The following SESTD1 variants were observed in gnomAD, a reference collection of about 807,000 sequenced individuals.
The protein encoded by SESTD1 is SEC14 domain and spectrin repeat-containing protein 1.
Under a neutral mutation model 101.7 loss-of-function variants are expected in SESTD1, and 43 were observed. The observed-to-expected ratio is 0.42, with a 90% CI of 0.33 to 0.55. SESTD1 has a LOEUF of 0.55. Among genes scored for constraint, SESTD1 ranks in the 20% least tolerant of loss-of-function variants. SESTD1 has a pLI of 0.07. For synonymous variants in SESTD1, 283 were observed against 286.8 expected (o/e 0.99, Z 0.13); for missense variants, 647 against 815.1 (o/e 0.79, Z 2.51).
At chr2:179,182,936 G>T (rs1171649177) in intron 3 of SESTD1, 144 bp downstream of exon 3, 4 of 510,784 alleles carry the variant, frequency 7.8e-6, no homozygotes, top group Non-Finnish European at 1.3e-5. Context: ...GATGTTATAA[G>T]TCATTGATTT....
At chr2:179,199,747 ATTCAACAACCC>A (rs2046473423) in intron 1 of SESTD1, among the ~76,000 whole-genome samples, 1 of 152,254 alleles carries the variant, frequency 6.6e-6, no homozygotes, top group Non-Finnish European at 1.5e-5. Context: ...CTTTGACAAA[ATTCAACAACCC>A]TTCATGCTAA....
chr2:179,188,489 T>A (rs1046898945), intron 2 of SESTD1, among the ~76,000 whole-genome samples: 1 of 152,024 alleles, frequency 6.6e-6, no homozygotes, highest in Non-Finnish European at 1.5e-5. Flanking sequence ...AATACAAAAA[T>A]TGGCTGAGTA....
intron 5 of SESTD1, among the ~76,000 whole-genome samples, chr2:179,164,702 C>T (rs746307115): frequency 5.3e-5 from 8 of 151,986 alleles, no homozygotes; most frequent in Non-Finnish European, 1.0e-4. Context: ...TGATGAAAAA[C>T]ATTGGAGGAG....
At chr2:179,189,272 T>G (rs1473699149) in intron 2 of SESTD1, among the ~76,000 whole-genome samples, 5 of 152,148 alleles carry the variant, frequency 3.3e-5, no homozygotes, top group Admixed American at 2.0e-4. Flanking sequence ...CAGTTCAACA[T>G]GCACAAATCA....
intron 1 of SESTD1, among the ~76,000 whole-genome samples, chr2:179,199,044 T>C (rs2046454376): frequency 1.3e-5 from 2 of 151,856 alleles, no homozygotes; most frequent in Admixed American, 6.6e-5. Flanking sequence ...ATCAACAAAA[T>C]TGATAGAGCG....
intron 1 of SESTD1, among the ~76,000 whole-genome samples, chr2:179,229,361 C>T (rs570504072): frequency 8.3e-4 from 127 of 152,162 alleles, no homozygotes; most frequent in African/African-American, 3.0e-3. Flanking sequence ...TCAGTTTTCT[C>T]CTACCCTTGG....
chr2:179,187,390 T>G (rs1204512011), intron 2 of SESTD1, among the ~76,000 whole-genome samples: 2 of 152,180 alleles, frequency 1.3e-5, no homozygotes, highest in African/African-American at 4.8e-5. Flanking sequence ...TTTGGGAGAC[T>G]GAGGTAGAAG....
At chr2:179,262,293 T>C (rs2047494260) in intron 1 of SESTD1, among the ~76,000 whole-genome samples, 1 of 152,222 alleles carries the variant, frequency 6.6e-6, no homozygotes, top group African/African-American at 2.4e-5. Flanking sequence ...TTGCATAATT[T>C]TGTGAATATA....
chr2:179,264,677 A>T lies in SESTD1; in HGVS notation c.-204T>A, dbSNP rs1387633402. 6.6e-6 allele frequency: 1 copy of T among 150,880 alleles called. No individual in the cohort carries two copies. Among genetic ancestry groups the T allele is most frequent in the African/African-American group, 2.4e-5 (1 of 41,058 alleles). The allele number at this position is 150,880 out of a possible 1,614,324, so 9.3% of individuals were successfully genotyped here. ...GCTGCGGCTCCAGTCACTCGCGGCAAATCGCGTCCCGGCCCCTCCGTGCGT... is the reference window on the plus strand; with the variant it reads ...GCTGCGGCTCCAGTCACTCGCGGCATATCGCGTCCCGGCCCCTCCGTGCGT... On this transcript the variant is annotated 5_prime_UTR_variant, in exon 1 of 18. In the 5' UTR this introduces an upstream ATG that the reference lacks. Coordinates refer to ENST00000428443, the MANE Select transcript of SESTD1 (RefSeq NM_178123.5).
At chr2:179,114,602 T>C (rs2154393743) in intron 16 of SESTD1, among the ~76,000 whole-genome samples, 1 of 152,102 alleles carries the variant, frequency 6.6e-6, no homozygotes, top group Non-Finnish European at 1.5e-5. Flanking sequence ...AAAGAACACA[T>C]ATAAAAAAGC....
Position 179,172,242 on chromosome 2 carries a change from T to C in SESTD1, c.256-9A>G, listed in dbSNP as rs780599815. On this transcript the variant is annotated splice_polypyrimidine_tract_variant and intron_variant, in intron 4 of 17. Transcript: ENST00000428443. ...TCAGCTGGAACAACATTCTATAAAA[T>C]ACAGAAAAATAATTACAAATTACAC... 5.4e-5 allele frequency: 83 copies of C among 1,527,418 alleles called. No homozygotes were observed. In the Admixed American group the frequency reaches 1.4e-3, roughly 27 times the overall value. 94.6% of individuals were successfully genotyped at this position (1,527,418 alleles called of 1,614,324 possible).
Position 179,104,378 on chromosome 2 carries a change from T to C in SESTD1, c.*5521A>G, listed in dbSNP as rs1158592011. The C allele has an allele frequency of 2.6e-5, 4 of 152,248 alleles. No individual in the cohort carries two copies. The East Asian group carries it at 7.7e-4, about 29-fold the overall frequency. The allele number at this position is 152,248 out of a possible 1,614,324, so 9.4% of individuals were successfully genotyped here. On this transcript the variant is annotated 3_prime_UTR_variant, in exon 18 of 18. Transcript: ENST00000428443. ...ACATAAGAGTTAAGATGAGAAAACA[T>C]TCCTAAGAGAAAAATCAAACATACA...
chr2:179,259,770 T>A (rs1054381915), intron 1 of SESTD1, among the ~76,000 whole-genome samples: 1 of 152,232 alleles, frequency 6.6e-6, no homozygotes, highest in Admixed American at 6.5e-5. Context: ...ATCTATTACA[T>A]GCTAGAAACT....
At chr2:179,141,796 T>C in intron 9 of SESTD1, among the ~76,000 whole-genome samples, 1 of 152,194 alleles carries the variant, frequency 6.6e-6, no homozygotes, top group East Asian at 1.9e-4. Context: ...TCTGCTACTC[T>C]ATCTTAGTGG....
chr2:179,236,449 A>G (rs2047067575), intron 1 of SESTD1, among the ~76,000 whole-genome samples: 1 of 152,062 alleles, frequency 6.6e-6, no homozygotes, highest in South Asian at 2.1e-4. Flanking sequence ...ATGAGCTACA[A>G]TCGTGCCACT....
chr2:179,257,194 A>AT (rs1462677769), intron 1 of SESTD1, among the ~76,000 whole-genome samples: 2 of 151,838 alleles, frequency 1.3e-5, no homozygotes, highest in African/African-American at 4.8e-5. Context: ...TCTTGAACCT[A>AT]TTCTGGTTCA....
At chr2:179,128,250 A>G (rs1334567000) in intron 10 of SESTD1, among the ~76,000 whole-genome samples, 1 of 152,216 alleles carries the variant, frequency 6.6e-6, no homozygotes, top group Admixed American at 6.5e-5. Context: ...CAACCTGACC[A>G]GGGATGTAAA....
At chr2:179,136,666 C>G (rs2045152610) in intron 9 of SESTD1, among the ~76,000 whole-genome samples, 1 of 152,084 alleles carries the variant, frequency 6.6e-6, no homozygotes, top group Admixed American at 6.6e-5. Context: ...AAAAATTTCA[C>G]TAACAATGTA....
At chr2:179,156,457 C>T (rs767378109) in intron 5 of SESTD1, among the ~76,000 whole-genome samples, 1 of 152,156 alleles carries the variant, frequency 6.6e-6, no homozygotes, top group African/African-American at 2.4e-5. Flanking sequence ...ACCAGCAGTA[C>T]GGAAGTGTTC....
Sources: gnomAD v4.1 joint callset for allele counts (sites outside exome capture counted in the v4.1 genomes callset) on GRCh38, gnomAD v4.1.1 for gene constraint, MANE v1.5 for transcripts, NCBI Gene and HGNC (gene_info 2026-07-23, HGNC 2026-07-21) for gene names.